Variants in MAGOHB observed in about 807,000 individuals in gnomAD.
The protein encoded by MAGOHB is protein mago nashi homolog 2.
MAGOHB carries 15 observed loss-of-function variants against 20.9 expected under a neutral mutation model. The ratio of observed to expected loss-of-function variants is 0.72; its 90% CI spans 0.48 to 1.11. The LOEUF is 1.11. Among genes scored for constraint, MAGOHB ranks in the 50% least tolerant of loss-of-function variants. The pLI, the probability that MAGOHB is intolerant of heterozygous loss-of-function variation, is 0.00. For missense variants in MAGOHB, 162 were observed against 177.6 expected (o/e 0.91, Z 0.50); for synonymous variants, 50 against 57.9 (o/e 0.86, Z 0.62).
chr12:10,609,301 C>A (rs1865682197), intron 3 of MAGOHB: 1 of 383,542 alleles, frequency 2.6e-6, no homozygotes, highest in Non-Finnish European at 5.1e-6. Flanking sequence ...TTGAAAAGAC[C>A]CAATTCAGAA....
downstream of MAGOHB, chr12:10,599,774 A>G (rs1319955641): frequency 6.6e-6 from 1 of 152,234 alleles, no homozygotes; most frequent in Non-Finnish European, 1.5e-5. Context: ...CTCTATCTCA[A>G]CTAACCAACC....
downstream of MAGOHB, chr12:10,599,526 A>G (rs1197540195): frequency 6.6e-6 from 1 of 152,222 alleles, no homozygotes; most frequent in Non-Finnish European, 1.5e-5. Flanking sequence ...TATTACCTGT[A>G]TCTGTGCTAT....
intron 3 of MAGOHB, chr12:10,608,818 G>A (rs189644701): frequency 2.6e-5 from 4 of 152,122 alleles, no homozygotes; most frequent in African/African-American, 9.7e-5. Context: ...ACACAGAATG[G>A]AGAATTAGCT....
At chr12:10,610,597 A>G in intron 2 of MAGOHB, 25 bp downstream of exon 2, 1 of 1,374,490 alleles carries the variant, frequency 7.3e-7, no homozygotes, top group Non-Finnish European at 9.5e-7. Context: ...AAAAAAAAAA[A>G]AAAAGACATT....
downstream of MAGOHB, among the ~76,000 whole-genome samples, chr12:10,603,811 C>T (rs1591660235): frequency 6.6e-6 from 1 of 152,094 alleles, no homozygotes; most frequent in East Asian, 1.9e-4. Flanking sequence ...ATTTTCTATT[C>T]GACTTCATTA....
At chr12:10,609,973 G>T (rs1195842171) in intron 2 of MAGOHB, 32 bp from the exon 3 acceptor site, 2 of 1,232,472 alleles carry the variant, frequency 1.6e-6, no homozygotes, top group Non-Finnish European at 2.3e-6. Flanking sequence ...ATGAGATAAT[G>T]CCCACCTATG....
intron 3 of MAGOHB, chr12:10,609,376 C>CATTTATTCTGAAGGAATATGA (rs1354613235): frequency 4.5e-6 from 2 of 442,034 alleles, no homozygotes; most frequent in East Asian, 1.4e-4. Context: ...TGAGAAACAT[C>CATTTATTCTGAAGGAATATGA]ATTTATTCTG....
chr12:10,612,784 CTG>C, intron 1 of MAGOHB: 1 of 1,277,932 alleles, frequency 7.8e-7, no homozygotes, highest in Non-Finnish European at 1.0e-6. Context: ...AGAAAACACA[CTG>C]TTGCACACTA....
chr12:10,608,497 T>C (rs2120518064), intron 3 of MAGOHB: 2 of 151,968 alleles, frequency 1.3e-5, no homozygotes, highest in Middle Eastern at 6.8e-3. Context: ...AAAATACTTG[T>C]TGATATTTAT....
At chr12:10,601,960 A>G (rs1348128929), downstream of MAGOHB, among the ~76,000 whole-genome samples, 1 of 152,190 alleles carries the variant, frequency 6.6e-6, no homozygotes, top group Non-Finnish European at 1.5e-5. Flanking sequence ...TGTTATACTG[A>G]GCCAGGTTCT....
chr12:10,602,930 G>A (rs1285361510), downstream of MAGOHB, among the ~76,000 whole-genome samples: 1 of 152,096 alleles, frequency 6.6e-6, no homozygotes, highest in African/African-American at 2.4e-5. Flanking sequence ...TAGCATGCAG[G>A]GAAGATGGTC....
rs1565549936 is a variant in MAGOHB at position 10,606,364 on chromosome 12, C to T, written c.358G>A (p.Gly120Ser). ...IDVNQSKDPE[G>S]LRVFYYLVQD... ...ACCAAATAGTAAAATACTCGAAGGCCTTCAGGATCCCTAAAATTTAAAAAG... is the reference window on the plus strand; with the variant it reads ...ACCAAATAGTAAAATACTCGAAGGCTTTCAGGATCCCTAAAATTTAAAAAG... Residue 120 changes from glycine to serine, a missense_variant, in exon 5 of 5, where the codon GGC becomes AGC. By Grantham distance (56) the Gly-to-Ser change is moderately conservative. Transcript: ENST00000320756. 6.4e-7 allele frequency: 1 copy of T among 1,554,322 alleles called. No homozygotes were observed. Among genetic ancestry groups the T allele is most frequent in the Non-Finnish European group, 8.7e-7 (1 of 1,147,618 alleles).
intron 1 of MAGOHB, chr12:10,612,571 A>G: frequency 8.7e-6 from 6 of 693,532 alleles, no homozygotes; most frequent in Non-Finnish European, 1.1e-5. Flanking sequence ...ACTGCTTTAT[A>G]GTTAAATGTC....
intron 1 of MAGOHB, among the ~76,000 whole-genome samples, chr12:10,612,382 A>T (rs1003487127): frequency 7.0e-6 from 1 of 142,546 alleles, no homozygotes; most frequent in African/African-American, 2.5e-5. Flanking sequence ...TGGGTGACAG[A>T]GTGAGACCTT....
intron 1 of MAGOHB, among the ~76,000 whole-genome samples, chr12:10,611,613 T>C (rs1306209493): frequency 6.6e-6 from 1 of 151,320 alleles, no homozygotes; most frequent in Non-Finnish European, 1.5e-5. Flanking sequence ...CCAGGCATGG[T>C]GGCCCATGCC....
rs189644701 is a variant in MAGOHB, at chr12:10,608,818, G to C, written c.265-882C>G. On this transcript the variant is annotated intron_variant, in intron 3 of 4. Coordinates refer to ENST00000320756, the MANE Select transcript of MAGOHB (RefSeq NM_018048.5). ...TGCAGTTTATGACACACACAGAATG[G>C]AGAATTAGCTAAGATGCTCTAACAG... 104 of 152,240 alleles carry C rather than the reference G, an allele frequency of 6.8e-4. 1 individual carries two copies. The highest frequency in any genetic ancestry group is 2.4e-3 in the African/African-American group (100 of 41,536). The allele number at this position is 152,240 out of a possible 1,614,324, so 9.4% of individuals were successfully genotyped here.
downstream of MAGOHB, among the ~76,000 whole-genome samples, chr12:10,602,164 A>G (rs1034079050): frequency 6.6e-6 from 1 of 152,252 alleles, no homozygotes; most frequent in Non-Finnish European, 1.5e-5. Flanking sequence ...TGCAGAGCAC[A>G]ATTTTTTATA....
In MAGOHB at chr12:10,611,696, C is replaced by T. The variant is rs565431270; in HGVS notation, c.95-1016G>A. On this transcript the variant is annotated intron_variant, in intron 1 of 4. Transcript: ENST00000320756. The stretch of plus-strand genomic sequence containing the variant: ...CCACGAGGCGGAGGTTGCAGTGAGC[C>T]GAGATCGCACCACTGCACTGCAGCC... Among the ~76,000 whole-genome samples, 31 of 133,826 alleles carry T rather than the reference C, an allele frequency of 2.3e-4. No homozygotes were observed. In the South Asian group the frequency reaches 7.4e-3, roughly 32 times the overall value. 87.8% of individuals were successfully genotyped at this position (133,826 alleles called of 152,430 possible). A position where few individuals can be genotyped will look rare whatever the true frequency, so the allele number is the denominator to read the frequency against.
downstream of MAGOHB, among the ~76,000 whole-genome samples, chr12:10,602,150 C>T (rs1354943612): frequency 6.6e-6 from 1 of 152,216 alleles, no homozygotes; most frequent in Non-Finnish European, 1.5e-5. Flanking sequence ...GGAGACTAGA[C>T]AAGTGCAGAG....
Sources: gnomAD v4.1 joint callset for allele counts (sites outside exome capture counted in the v4.1 genomes callset) on GRCh38, gnomAD v4.1.1 for gene constraint, MANE v1.5 for transcripts, NCBI Gene and HGNC (gene_info 2026-07-23, HGNC 2026-07-21) for gene names.